EPHA6: variants seen among roughly 807,000 people sequenced by gnomAD.
The protein encoded by EPHA6 is ephrin type-A receptor 6.
EPHA6 carries 50 observed loss-of-function variants against 112.0 expected under a neutral mutation model. The ratio of observed to expected loss-of-function variants is 0.45; its 90% CI spans 0.36 to 0.56. The LOEUF (loss-of-function observed/expected upper bound fraction) is 0.56. Ranked by LOEUF, EPHA6 falls within the 20% of genes least tolerant of loss-of-function variation. EPHA6 has a pLI of 0.00. For missense variants in EPHA6, 1,280 were observed against 1,417.4 expected, an observed-to-expected ratio of 0.90 and a Z score of 1.56; for synonymous variants, 529 against 490.7, an observed-to-expected ratio of 1.08 and a Z score of -1.03.
At chr3:97,007,850 C>T (rs553308286) in intron 3 of EPHA6, among the ~76,000 whole-genome samples, 79 of 152,266 alleles carry the variant, frequency 5.2e-4, no homozygotes, top group Middle Eastern at 3.4e-3. Flanking sequence ...TTTATTTCTC[C>T]TTTGCTTAAG....
At chr3:97,325,086 G>A (rs1316691510) in intron 5 of EPHA6, among the ~76,000 whole-genome samples, 1 of 151,982 alleles carries the variant, frequency 6.6e-6, no homozygotes, top group Non-Finnish European at 1.5e-5. Context: ...ACTGGTGTGT[G>A]ATCTCAAGCA....
At chr3:96,930,295 C>G (rs572326985) in intron 2 of EPHA6, among the ~76,000 whole-genome samples, 2 of 152,268 alleles carry the variant, frequency 1.3e-5, no homozygotes, top group Admixed American at 6.5e-5. Context: ...AGAAGGGGCA[C>G]TCTATATTTT....
intron 15 of EPHA6, among the ~76,000 whole-genome samples, chr3:97,733,390 G>A (rs1443735370): frequency 6.6e-6 from 1 of 152,074 alleles, no homozygotes; most frequent in East Asian, 1.9e-4. Context: ...TGATGCAGCA[G>A]TTTTTAAATC....
At chr3:96,937,665 G>C (rs1427342288) in intron 2 of EPHA6, among the ~76,000 whole-genome samples, 3 of 152,062 alleles carry the variant, frequency 2.0e-5, no homozygotes, top group East Asian at 3.9e-4. Flanking sequence ...TGGTGTTTTA[G>C]ACATGAAGTC....
At chr3:96,989,007 T>C (rs1240656467) in intron 3 of EPHA6, among the ~76,000 whole-genome samples, 4 of 152,036 alleles carry the variant, frequency 2.6e-5, no homozygotes, top group East Asian at 3.8e-4. Context: ...AACACAAATA[T>C]AGAAAAAAAA....
intron 3 of EPHA6, among the ~76,000 whole-genome samples, chr3:97,044,603 A>G (rs1019318582): frequency 1.3e-5 from 2 of 152,136 alleles, no homozygotes; most frequent in African/African-American, 2.4e-5. Context: ...ACCCATCAAA[A>G]TGTTTAACTA....
intron 1 of EPHA6, among the ~76,000 whole-genome samples, chr3:96,845,667 G>GT (rs1385713088): frequency 1.4e-5 from 2 of 138,878 alleles, no homozygotes; most frequent in African/African-American, 3.2e-5. Flanking sequence ...ACTTTATCAG[G>GT]TTTTTCTTGA....
intron 3 of EPHA6, among the ~76,000 whole-genome samples, chr3:97,113,952 G>C (rs2047804896): frequency 6.6e-6 from 1 of 152,090 alleles, no homozygotes; most frequent in Non-Finnish European, 1.5e-5. Context: ...GTCATTTCCT[G>C]TCCTGAATTA....
At chr3:97,672,658 GA>G in intron 14 of EPHA6, among the ~76,000 whole-genome samples, 1 of 151,558 alleles carries the variant, frequency 6.6e-6, no homozygotes, top group Admixed American at 6.6e-5. Context: ...AAGAAGGAAA[GA>G]AAAAAAGAGA....
At chr3:97,264,382 G>A (rs2079602963) in intron 5 of EPHA6, among the ~76,000 whole-genome samples, 1 of 152,244 alleles carries the variant, frequency 6.6e-6, no homozygotes, top group African/African-American at 2.4e-5. Flanking sequence ...CCAGGTGCCG[G>A]CACGGGCACC....
At chr3:97,196,486 G>A (rs2077445352) in intron 3 of EPHA6, among the ~76,000 whole-genome samples, 1 of 151,976 alleles carries the variant, frequency 6.6e-6, no homozygotes, top group African/African-American at 2.4e-5. Context: ...GATCACTGGT[G>A]CCTTATTTAG....
At chr3:97,148,731 T>C (rs976390783) in intron 3 of EPHA6, among the ~76,000 whole-genome samples, 1 of 152,136 alleles carries the variant, frequency 6.6e-6, no homozygotes, top group Non-Finnish European at 1.5e-5. Context: ...CACTTTTGTC[T>C]GTCTGGATAT....
chr3:97,696,856 G>A (rs1429378845), intron 14 of EPHA6, among the ~76,000 whole-genome samples: 1 of 152,192 alleles, frequency 6.6e-6, no homozygotes, highest in Non-Finnish European at 1.5e-5. Context: ...AAGACCCACT[G>A]TTGGGAAAGC....
chr3:97,491,674 T>G (rs1435706063), intron 10 of EPHA6, among the ~76,000 whole-genome samples: 1 of 151,270 alleles, frequency 6.6e-6, no homozygotes, highest in East Asian at 1.9e-4. Flanking sequence ...GATGGCCTTG[T>G]GTATAGGGTA....
chr3:97,380,466 C>T (rs749545761), intron 5 of EPHA6, among the ~76,000 whole-genome samples: 4 of 152,120 alleles, frequency 2.6e-5, no homozygotes, highest in Non-Finnish European at 4.4e-5. Flanking sequence ...ATGCCTAACT[C>T]ATTACCGTGG....
chr3:97,045,327 A>G (rs1489239139), intron 3 of EPHA6, among the ~76,000 whole-genome samples: 1 of 152,078 alleles, frequency 6.6e-6, no homozygotes, highest in Non-Finnish European at 1.5e-5. Flanking sequence ...GCTACATGCA[A>G]AGCTAATTGC....
chr3:97,249,278 G>C (rs2079067614), intron 5 of EPHA6, among the ~76,000 whole-genome samples: 1 of 152,048 alleles, frequency 6.6e-6, no homozygotes, highest in Admixed American at 6.5e-5. Context: ...CAAAAGTGTT[G>C]TTCCCCTGAA....
intron 10 of EPHA6, among the ~76,000 whole-genome samples, chr3:97,526,883 T>A (rs539304485): frequency 6.6e-6 from 1 of 151,596 alleles, no homozygotes; most frequent in Admixed American, 6.6e-5. Context: ...TACCAGCATG[T>A]CTTATTATGG....
chr3:97,034,935 C>A (rs2045027016), intron 3 of EPHA6, among the ~76,000 whole-genome samples: 2 of 151,916 alleles, frequency 1.3e-5, no homozygotes, highest in South Asian at 4.1e-4. Context: ...GGTAAAAATT[C>A]TTTTGAAAGA....
Sources: allele counts gnomAD v4.1 joint callset (sites outside exome capture counted in the v4.1 genomes callset), GRCh38; gene constraint gnomAD v4.1.1; transcripts MANE v1.5; gene names NCBI Gene and HGNC (gene_info 2026-07-23, HGNC 2026-07-21).